ERBB4: variants seen among roughly 807,000 people sequenced by gnomAD.
The protein encoded by ERBB4 is erb-b2 receptor tyrosine kinase 4.
In ERBB4, 42 loss-of-function variants were observed where a neutral mutation model predicts 158.0. The ratio of observed to expected loss-of-function variants is 0.27; its 90% CI spans 0.21 to 0.34. The LOEUF is 0.34. Among genes scored for constraint, ERBB4 ranks in the 10% least tolerant of loss-of-function variants. ERBB4 has a pLI of 1.00. For synonymous variants in ERBB4, 583 were observed against 558.7 expected (o/e 1.04, Z -0.61); for missense variants, 1,333 against 1,624.1 (o/e 0.82, Z 3.08).
intron 1 of ERBB4, among the ~76,000 whole-genome samples, chr2:212,461,231 G>A (rs1460779108): frequency 2.0e-5 from 3 of 152,148 alleles, no homozygotes; most frequent in African/African-American, 4.8e-5. Context: ...GTGACGGCTT[G>A]CACCATGTGC....
intron 2 of ERBB4, among the ~76,000 whole-genome samples, chr2:212,054,181 T>TAGGTCA (rs2077483288): frequency 6.6e-6 from 1 of 152,114 alleles, no homozygotes; most frequent in Admixed American, 6.5e-5. Flanking sequence ...AGGGAGTTTA[T>TAGGTCA]TATATGACCT....
chr2:212,098,031 T>C (rs1440661592), intron 2 of ERBB4, among the ~76,000 whole-genome samples: 1 of 151,996 alleles, frequency 6.6e-6, no homozygotes, highest in Non-Finnish European at 1.5e-5. Context: ...AAATACTATA[T>C]GGAAATAGAC....
At chr2:211,738,922 A>G (rs577539558) in intron 5 of ERBB4, among the ~76,000 whole-genome samples, 1 of 152,260 alleles carries the variant, frequency 6.6e-6, no homozygotes, top group East Asian at 1.9e-4. Flanking sequence ...TACAGGCATG[A>G]ACCATTGTGG....
chr2:212,349,919 C>T (rs531395328), intron 1 of ERBB4, among the ~76,000 whole-genome samples: 4 of 152,164 alleles, frequency 2.6e-5, no homozygotes, highest in Non-Finnish European at 5.9e-5. Flanking sequence ...AAAGGCAACT[C>T]ACCATGCTCA....
In ERBB4 at chr2:212,324,237, C is replaced by G. The variant is rs931292871; in HGVS notation, c.83-199334G>C. Among the ~76,000 whole-genome samples the G allele has an allele frequency of 1.5e-4, 22 of 150,438 alleles. 1 individual carries two copies. Among genetic ancestry groups the G allele is most frequent in the African/African-American group, 3.6e-4 (15 of 41,242 alleles). ...CATAGTTAAGCCTCTAGAAAAGTAA[C>G]CCGTATTACTCTAAACTTCCTGTTA... On this transcript the variant is annotated intron_variant, in intron 1 of 27. Coordinates refer to ENST00000342788, the MANE Select transcript of ERBB4 (RefSeq NM_005235.3).
At chr2:211,503,647 C>T (rs992490661) in intron 20 of ERBB4, among the ~76,000 whole-genome samples, 2 of 152,156 alleles carry the variant, frequency 1.3e-5, no homozygotes, top group East Asian at 1.9e-4. Flanking sequence ...ATTAGCCTAA[C>T]GGGTCAGGCC....
intron 1 of ERBB4, among the ~76,000 whole-genome samples, chr2:212,478,627 G>A (rs557904725): frequency 6.6e-6 from 1 of 152,008 alleles, no homozygotes; most frequent in East Asian, 1.9e-4. Flanking sequence ...AAAGTTCCAG[G>A]TCCCTGATGC....
intron 22 of ERBB4, among the ~76,000 whole-genome samples, chr2:211,426,574 A>T (rs2063632324): frequency 6.6e-6 from 1 of 152,078 alleles, no homozygotes; most frequent in African/African-American, 2.4e-5. Flanking sequence ...CATGAAGAAA[A>T]ATGTTACACC....
chr2:211,671,441 G>GA lies in ERBB4; in HGVS notation c.1716+1722dup, dbSNP rs142618307. 5.3e-5 allele frequency among the ~76,000 whole-genome samples: 8 copies of GA among 151,804 alleles called. No individual in the cohort carries two copies. The South Asian group carries it at 1.7e-3, about 32-fold the overall frequency. ...AGAAATAGGAAATTACATGTGTGAA[G>GA]AAAAAAAACTAATCTAGAAAATTGT... is the stretch of plus-strand genomic sequence containing the variant. On this transcript the variant is annotated intron_variant, in intron 14 of 27. Transcript: ENST00000342788.
intron 1 of ERBB4, among the ~76,000 whole-genome samples, chr2:212,508,544 A>C (rs567458327): frequency 6.6e-6 from 1 of 152,274 alleles, no homozygotes; most frequent in African/African-American, 2.4e-5. Context: ...TAAAGGCATA[A>C]GTTTCTCTAT....
Position 212,320,570 on chromosome 2 carries a change from A to G in ERBB4, c.83-195667T>C, listed in dbSNP as rs2087522654. ...TTATATTCTGAGTTCTCAGAACTGG[A>G]AAGAAGGAAAGGTTGAAAGTCTCTG... On this transcript the variant is annotated intron_variant, in intron 1 of 27. Transcript: ENST00000342788. 1.3e-5 allele frequency among the ~76,000 whole-genome samples: 2 copies of G among 149,244 alleles called. 1 individual carries two copies. Among genetic ancestry groups the G allele is most frequent in the South Asian group, 4.3e-4 (2 of 4,656 alleles).
At chr2:211,884,137 T>A (rs1237256282) in intron 3 of ERBB4, among the ~76,000 whole-genome samples, 1 of 152,180 alleles carries the variant, frequency 6.6e-6, no homozygotes, top group East Asian at 1.9e-4. Flanking sequence ...CTCTATTACG[T>A]TTAAACACCT....
chr2:211,722,505 T>G lies in ERBB4; in HGVS notation c.771A>C (p.Ala257=), dbSNP rs571703069. 3.8e-5 allele frequency: 61 copies of G among 1,614,114 alleles called. No homozygotes were observed. In the South Asian group the frequency reaches 6.4e-4, roughly 17 times the overall value. The change falls in exon 7 of 28, where the codon GCA becomes GCC. Residue 257 remains alanine, a synonymous_variant. Transcript: ENST00000342788. The part of the protein sequence containing the change: ...FACMNFNDSG[A]CVTQCPQTFV... ...AGGTTTGGGGACACTGAGTAACACA[T>G]GCTCCACTGTCATTGAAATTCATGC...
intron 20 of ERBB4, among the ~76,000 whole-genome samples, chr2:211,459,401 CAA>C (rs878978183): frequency 2.0e-5 from 3 of 152,074 alleles, no homozygotes; most frequent in Non-Finnish European, 4.4e-5. Flanking sequence ...GGATCAAAAC[CAA>C]AAGTGAAATA....
intron 2 of ERBB4, among the ~76,000 whole-genome samples, chr2:212,058,294 G>C (rs2077644803): frequency 2.6e-5 from 4 of 152,106 alleles, no homozygotes; most frequent in Admixed American, 2.6e-4. Context: ...TGTGGCAACA[G>C]TTAATAGCCT....
At chr2:211,577,316 G>A (rs918434655) in intron 19 of ERBB4, among the ~76,000 whole-genome samples, 1 of 152,112 alleles carries the variant, frequency 6.6e-6, no homozygotes, top group Non-Finnish European at 1.5e-5. Flanking sequence ...TTGAATGGAA[G>A]GCTGACATTT....
chr2:211,558,680 C>T (rs530169704), intron 20 of ERBB4, among the ~76,000 whole-genome samples: 1 of 151,986 alleles, frequency 6.6e-6, no homozygotes, highest in South Asian at 2.1e-4. Context: ...CACAAACTCA[C>T]AAAACTGAAA....
At chr2:212,532,009 T>C (rs1692781211) in intron 1 of ERBB4, among the ~76,000 whole-genome samples, 1 of 152,328 alleles carries the variant, frequency 6.6e-6, no homozygotes, top group South Asian at 2.1e-4. Flanking sequence ...CTACACAATA[T>C]GGTAATTAGG....
intron 1 of ERBB4, among the ~76,000 whole-genome samples, chr2:212,412,619 C>T (rs1369159335): frequency 1.3e-5 from 2 of 152,108 alleles, no homozygotes; most frequent in Admixed American, 1.3e-4. Context: ...TCAGGTATTC[C>T]TTCACAGTAA....
Sources: allele counts gnomAD v4.1 joint callset (sites outside exome capture counted in the v4.1 genomes callset), GRCh38; gene constraint gnomAD v4.1.1; transcripts MANE v1.5; gene names NCBI Gene and HGNC (gene_info 2026-07-23, HGNC 2026-07-21).